SLC17A4: variants seen among roughly 807,000 people sequenced by gnomAD.
The protein encoded by SLC17A4 is probable small intestine urate exporter.
Under a neutral mutation model 52.5 loss-of-function variants are expected in SLC17A4, and 33 were observed. The ratio of observed to expected loss-of-function variants is 0.63; its 90% CI spans 0.48 to 0.84. SLC17A4 has a LOEUF of 0.84. SLC17A4 is among the 40% of genes least tolerant of loss of function. The pLI is 0.00. For missense variants in SLC17A4, 585 were observed against 597.1 expected (o/e 0.98, Z 0.21); for synonymous variants, 225 against 216.2 (o/e 1.04, Z -0.36).
At chr6:25,765,865 A>G (rs1298621061) in intron 2 of SLC17A4, among the ~76,000 whole-genome samples, 1 of 152,124 alleles carries the variant, frequency 6.6e-6, no homozygotes, top group African/African-American at 2.4e-5. Context: ...AAAAAATTGG[A>G]TTAAAAATAC....
chr6:25,772,728 G>A (rs1279137790), intron 6 of SLC17A4, among the ~76,000 whole-genome samples: 2 of 152,178 alleles, frequency 1.3e-5, no homozygotes, highest in Non-Finnish European at 2.9e-5. Context: ...ATGATGAAAG[G>A]AACTCTGCAA....
intron 8 of SLC17A4, among the ~76,000 whole-genome samples, chr6:25,774,536 A>G (rs1762741236): frequency 6.6e-6 from 1 of 152,334 alleles, no homozygotes; most frequent in South Asian, 2.1e-4. Context: ...CCCAGGAGGC[A>G]GTGGCTCTGG....
At chr6:25,763,069 C>T (rs895411004) in intron 2 of SLC17A4, among the ~76,000 whole-genome samples, 5 of 152,222 alleles carry the variant, frequency 3.3e-5, no homozygotes, top group African/African-American at 1.2e-4. Context: ...TTACCACTCA[C>T]ATAGTGTCCC....
chr6:25,777,883 T>G (rs746338477), intron 10 of SLC17A4, 43 bp from the exon 11 acceptor site: 1 of 1,518,924 alleles, frequency 6.6e-7, no homozygotes, highest in Admixed American at 1.7e-5. Flanking sequence ...CTTTCAAACG[T>G]AGGTATACTT....
chr6:25,763,661 C>T (rs948027238), intron 2 of SLC17A4, among the ~76,000 whole-genome samples: 38 of 152,160 alleles, frequency 2.5e-4, no homozygotes, highest in African/African-American at 8.9e-4. Context: ...AATGCCCCCT[C>T]CCCCATTATC....
chr6:25,763,808 G>A (rs1016890580), intron 2 of SLC17A4, among the ~76,000 whole-genome samples: 8 of 152,210 alleles, frequency 5.3e-5, no homozygotes, highest in East Asian at 1.9e-4. Flanking sequence ...GGGCCAGGCT[G>A]TAGACAGACA....
At chr6:25,772,248 G>A (rs1937128) in intron 6 of SLC17A4, among the ~76,000 whole-genome samples, 152,206 of 152,324 alleles carry the variant, frequency 1, 76,044 homozygotes, top group Non-Finnish European at 1. Flanking sequence ...GAGCATATAC[G>A]CAATAGAAAC....
At chr6:25,755,963 A>G (rs1316584481) in intron 1 of SLC17A4, among the ~76,000 whole-genome samples, 1 of 152,154 alleles carries the variant, frequency 6.6e-6, no homozygotes, top group Non-Finnish European at 1.5e-5. Flanking sequence ...TCTTAGTGGC[A>G]TATCTCCAAA....
Position 25,773,364 on chromosome 6 carries a change from A to G in SLC17A4, c.796A>G (p.Arg266Gly). The stretch of plus-strand genomic sequence containing the variant: ...TCCCTTTATCAGTGCTGGTGAGAAG[A>G]GATACATTGTGTGTTCATTGGCTCA... ...NHPFISAGEK[R>G]YIVCSLAQQD... is the part of the protein sequence containing the mutation. The change falls in exon 7 of 12, where the codon AGA (arginine) becomes GGA (glycine). Residue 266 changes from arginine (R) to glycine (G), a missense_variant. Physicochemically the swap from Arg to Gly is moderately radical, Grantham distance 125. Transcript: ENST00000377905. 6.2e-7 allele frequency: 1 copy of G among 1,613,928 alleles called. No homozygotes were observed. The highest frequency in any genetic ancestry group is 8.5e-7 in the Non-Finnish European group (1 of 1,179,872).
rs758960195 is a variant in SLC17A4 at position 25,777,979 on chromosome 6, C to T, written c.1322C>T (p.Ala441Val). The change falls in exon 11 of 12, where the codon GCC becomes GTC. Residue 441 changes from alanine (A) to valine (V), a missense_variant. By Grantham distance (64) the Ala-to-Val change is moderately conservative. Transcript: ENST00000377905. ...LLQVFAHIAG[A>V]ISPTAAGFFI... Reference sequence around the variant, plus strand: ...CAAGTCTTTGCACACATAGCTGGAGCCATCTCTCCTACTGCTGCTGGATTT... The same window carrying T: ...CAAGTCTTTGCACACATAGCTGGAGTCATCTCTCCTACTGCTGCTGGATTT... 1 of 1,612,928 alleles carries T rather than the reference C, an allele frequency of 6.2e-7. No individual in the cohort carries two copies. Among genetic ancestry groups the T allele is most frequent in the Admixed American group, 1.7e-5 (1 of 59,984 alleles).
intron 1 of SLC17A4, among the ~76,000 whole-genome samples, chr6:25,758,309 C>CAGCAA (rs1761200409): frequency 6.6e-6 from 1 of 152,196 alleles, no homozygotes; most frequent in Non-Finnish European, 1.5e-5. Flanking sequence ...CAGAGAATAC[C>CAGCAA]AGCAACTGTC....
intron 8 of SLC17A4, among the ~76,000 whole-genome samples, chr6:25,774,547 G>C (rs1232698057): frequency 6.6e-6 from 1 of 152,186 alleles, no homozygotes; most frequent in Non-Finnish European, 1.5e-5. Context: ...GTGGCTCTGG[G>C]TCTTTTCAAA....
rs1762974558 is a variant in SLC17A4 at position 25,776,955 on chromosome 6, C to A, written c.1264C>A (p.Pro422Thr). The A allele has an allele frequency of 6.2e-7, 1 of 1,610,646 alleles. No individual in the cohort carries two copies. The change falls in exon 10 of 12, where the codon CCT becomes ACT. Residue 422 changes from proline (P) to threonine (T), a missense_variant. By Grantham distance (38) the Pro-to-Thr change is conservative (BLOSUM62 -1). Coordinates refer to ENST00000377905, the MANE Select transcript of SLC17A4 (RefSeq NM_005495.3). ...CCTTGTTAACTTCTTGGATATTGCTCCTCGGTAGGGACCTCTTTTGCCTCA... is the reference window on the plus strand; with the variant it reads ...CCTTGTTAACTTCTTGGATATTGCTACTCGGTAGGGACCTCTTTTGCCTCA... Reference protein sequence around the residue: ...GALVNFLDIAPRYTGFLKGLL... With the variant: ...GALVNFLDIATRYTGFLKGLL...
Position 25,776,864 on chromosome 6 carries a change from C to T in SLC17A4, c.1173C>T (p.Ser391=), listed in dbSNP as rs778472815. 1.2e-6 allele frequency: 2 copies of T among 1,613,952 alleles called. No individual in the cohort carries two copies. The highest frequency in any genetic ancestry group is 1.7e-6 in the Non-Finnish European group (2 of 1,179,898). The change falls in exon 10 of 12, where the codon AGC becomes AGT. Residue 391 remains serine (S), a synonymous_variant. Transcript: ENST00000377905. ...TGTCCCTGCCCTGGGTCAGATCCAG[C>T]CACAGCATGACCATGACCTTCTTGG... ...ILVSLPWVRS[S]HSMTMTFLVL... is the part of the protein sequence containing the mutation.
intron 1 of SLC17A4, among the ~76,000 whole-genome samples, chr6:25,755,287 A>G (rs9358883): frequency 0.27 from 41,356 of 152,104 alleles, 6,846 homozygotes; most frequent in East Asian, 0.7. Flanking sequence ...CAGCGAATTT[A>G]TGGGAAAGCA....
chr6:25,778,286 C>A (rs983485892), intron 11 of SLC17A4, among the ~76,000 whole-genome samples: 6 of 151,836 alleles, frequency 4.0e-5, no homozygotes, highest in Non-Finnish European at 8.8e-5. Flanking sequence ...TGCCATATAC[C>A]ATTCACTTAC....
chr6:25,773,396 A>G lies in SLC17A4; in HGVS notation c.825+3A>G. 1 of 1,613,168 alleles carries G rather than the reference A, an allele frequency of 6.2e-7. No individual in the cohort carries two copies. On this transcript the variant is annotated splice_donor_region_variant and intron_variant, in intron 7 of 11. Transcript: ENST00000377905. ...TTGTGTGTTCATTGGCTCAGCAGGTACATTGAGGAACTCCTCTGACATTTC... is the reference window on the plus strand; with the variant it reads ...TTGTGTGTTCATTGGCTCAGCAGGTGCATTGAGGAACTCCTCTGACATTTC...
chr6:25,780,435 T>C lies in SLC17A4; in HGVS notation c.*1247T>C, dbSNP rs1314297866. The C allele has an allele frequency of 6.6e-6, 1 of 152,180 alleles. No individual in the cohort carries two copies. The highest frequency in any genetic ancestry group is 1.5e-5 in the Non-Finnish European group (1 of 68,034). 9.4% of individuals were successfully genotyped at this position (152,180 alleles called of 1,614,324 possible). A position where few individuals can be genotyped will look rare whatever the true frequency, so the allele number is the denominator to read the frequency against. ...CTGCAAAGTTTCAGCTGAGCTGGGATCTGAAGGATAATAGTTAACTGTTGT... is the reference window on the plus strand; with the variant it reads ...CTGCAAAGTTTCAGCTGAGCTGGGACCTGAAGGATAATAGTTAACTGTTGT... On this transcript the variant is annotated 3_prime_UTR_variant, in exon 12 of 12. Transcript: ENST00000377905.
At chr6:25,759,495 A>G (rs1761340904) in intron 1 of SLC17A4, among the ~76,000 whole-genome samples, 1 of 152,112 alleles carries the variant, frequency 6.6e-6, no homozygotes, top group Admixed American at 6.5e-5. Context: ...TTAGGTGCAT[A>G]TATATTTAGG....
Sources: allele counts gnomAD v4.1 joint callset (sites outside exome capture counted in the v4.1 genomes callset), GRCh38; gene constraint gnomAD v4.1.1; transcripts MANE v1.5; gene names NCBI Gene and HGNC (gene_info 2026-07-23, HGNC 2026-07-21).